TMEM117: variants seen among roughly 807,000 people sequenced by gnomAD.
The protein encoded by TMEM117 is transmembrane protein 117.
A neutral mutation model predicts 52.4 loss-of-function variants in TMEM117; 27 were observed. That is an observed-to-expected ratio of 0.51 (90% CI 0.38 to 0.71). The LOEUF (loss-of-function observed/expected upper bound fraction) is 0.71, where lower values mean the gene tolerates loss of function less well. Among genes scored for constraint, TMEM117 ranks in the 30% least tolerant of loss-of-function variants. The pLI is 0.00. For missense variants in TMEM117, 556 were observed against 630.5 expected (o/e 0.88, Z 1.26); for synonymous variants, 215 against 206.3 (o/e 1.04, Z -0.36).
chr12:44,043,620 C>G (rs895597875), intron 3 of TMEM117, among the ~76,000 whole-genome samples: 1 of 152,124 alleles, frequency 6.6e-6, no homozygotes, highest in Non-Finnish European at 1.5e-5. Context: ...CCTCCCTGAG[C>G]CTGTTTCCAG....
intron 5 of TMEM117, among the ~76,000 whole-genome samples, chr12:44,268,258 C>T (rs569713086): frequency 2.2e-4 from 34 of 152,138 alleles, no homozygotes; most frequent in Admixed American, 1.3e-3. Flanking sequence ...CTGCCTCAAG[C>T]TCCCAAGTAG....
chr12:43,919,605 A>G (rs1224020046), intron 2 of TMEM117, among the ~76,000 whole-genome samples: 1 of 152,186 alleles, frequency 6.6e-6, no homozygotes, highest in Non-Finnish European at 1.5e-5. Context: ...TGCAGTGAAC[A>G]TGGGGATGCA....
At chr12:43,808,303 T>C in the TMEM117 span, among the ~76,000 whole-genome samples, 1 of 152,316 alleles carries the variant, frequency 6.6e-6, no homozygotes, top group East Asian at 1.9e-4. Flanking sequence ...TGTAGCTGCA[T>C]GCAGAGATTA....
chr12:44,107,335 C>A (rs577840143), intron 3 of TMEM117, among the ~76,000 whole-genome samples: 35 of 152,196 alleles, frequency 2.3e-4, no homozygotes, highest in Middle Eastern at 3.4e-3. Flanking sequence ...TTAACACATT[C>A]TCTTTTAAGA....
chr12:44,396,540 G>A, the TMEM117 span, among the ~76,000 whole-genome samples: 2 of 151,994 alleles, frequency 1.3e-5, no homozygotes, highest in African/African-American at 2.4e-5. Context: ...TACATATTAA[G>A]TGAAATAATG....
intron 3 of TMEM117, among the ~76,000 whole-genome samples, chr12:44,054,343 G>C (rs1947018466): frequency 6.6e-6 from 1 of 152,104 alleles, no homozygotes; most frequent in African/African-American, 2.4e-5. Flanking sequence ...AGAACACCTT[G>C]GGGTCGTATT....
intron 4 of TMEM117, among the ~76,000 whole-genome samples, chr12:44,194,195 GAATATGTTT>G (rs935174870): frequency 6.6e-6 from 1 of 152,110 alleles, no homozygotes; most frequent in Non-Finnish European, 1.5e-5. Context: ...AAAAGATAGA[GAATATGTTT>G]AATATGTTTT....
chr12:43,849,134 C>G (rs568194425), intron 2 of TMEM117, among the ~76,000 whole-genome samples: 2 of 152,276 alleles, frequency 1.3e-5, no homozygotes, highest in East Asian at 3.9e-4. Flanking sequence ...AAACATTAAA[C>G]AAGCATCATG....
At chr12:44,335,813 C>T (rs1951334035) in intron 6 of TMEM117, among the ~76,000 whole-genome samples, 1 of 151,932 alleles carries the variant, frequency 6.6e-6, no homozygotes, top group African/African-American at 2.4e-5. Context: ...ACTCAAGTAC[C>T]ATAATGCTTA....
chr12:43,978,669 A>G (rs540326188), intron 3 of TMEM117, among the ~76,000 whole-genome samples: 49 of 152,254 alleles, frequency 3.2e-4, no homozygotes, highest in African/African-American at 1.1e-3. Context: ...ATAATCAGAG[A>G]GTGTTATCTG....
chr12:44,396,786 G>A, the TMEM117 span, among the ~76,000 whole-genome samples: 7 of 151,186 alleles, frequency 4.6e-5, no homozygotes, highest in African/African-American at 9.7e-5. Context: ...CCAGGGAGGC[G>A]GAGGTTGCAG....
chr12:43,841,377 TGA>T (rs1238692264), intron 1 of TMEM117, among the ~76,000 whole-genome samples: 3 of 152,238 alleles, frequency 2.0e-5, no homozygotes, highest in African/African-American at 7.2e-5. Flanking sequence ...GCAACTGCTC[TGA>T]GCCTTTGTTT....
At chr12:44,184,337 T>TC (rs997308671) in intron 4 of TMEM117, among the ~76,000 whole-genome samples, 8 of 152,074 alleles carry the variant, frequency 5.3e-5, no homozygotes, top group African/African-American at 1.9e-4. Context: ...AGAATGGGAC[T>TC]CCATTTCAAA....
chr12:43,928,274 A>T (rs1944814040), intron 2 of TMEM117, among the ~76,000 whole-genome samples: 1 of 151,950 alleles, frequency 6.6e-6, no homozygotes, highest in Non-Finnish European at 1.5e-5. Flanking sequence ...TCCACAAAGT[A>T]GATGTTAATA....
chr12:44,333,446 G>A (rs1951299431), intron 6 of TMEM117, among the ~76,000 whole-genome samples: 1 of 151,958 alleles, frequency 6.6e-6, no homozygotes, highest in South Asian at 2.1e-4. Context: ...GTTCCCATAA[G>A]CCTGACTTGT....
At chr12:44,136,792 T>G (rs895482335) in intron 3 of TMEM117, among the ~76,000 whole-genome samples, 1 of 152,154 alleles carries the variant, frequency 6.6e-6, no homozygotes, top group Non-Finnish European at 1.5e-5. Flanking sequence ...GATATGTTCT[T>G]TATTTTGATT....
At chr12:44,243,575 A>C (rs1326756067) in intron 5 of TMEM117, among the ~76,000 whole-genome samples, 1 of 151,952 alleles carries the variant, frequency 6.6e-6, no homozygotes, top group Non-Finnish European at 1.5e-5. Flanking sequence ...TCATAGAATC[A>C]TTAAATCAGG....
At chr12:44,292,978 G>T (rs1392655835) in intron 5 of TMEM117, among the ~76,000 whole-genome samples, 1 of 151,844 alleles carries the variant, frequency 6.6e-6, no homozygotes. Context: ...TTGTTTCGTT[G>T]TTGATTTTGA....
chr12:44,236,308 A>G (rs555096223), intron 5 of TMEM117, among the ~76,000 whole-genome samples: 12 of 151,086 alleles, frequency 7.9e-5, no homozygotes, highest in African/African-American at 2.9e-4. Flanking sequence ...CTCTCCTTTG[A>G]TTTCTCCCCT....
Sources: gnomAD v4.1 joint callset for allele counts (sites outside exome capture counted in the v4.1 genomes callset) on GRCh38, gnomAD v4.1.1 for gene constraint, MANE v1.5 for transcripts, NCBI Gene and HGNC (gene_info 2026-07-23, HGNC 2026-07-21) for gene names.